The following B4GALT5 variants were observed in gnomAD, a reference collection of about 807,000 sequenced individuals.
The protein encoded by B4GALT5 is UDP-Gal:beta-GlcNAc beta-1,4-galactosyltransferase 5.
Under a neutral mutation model 45.0 loss-of-function variants are expected in B4GALT5, and 11 were observed. That is an observed-to-expected ratio of 0.24 (90% CI 0.15 to 0.40). The LOEUF (loss-of-function observed/expected upper bound fraction) is 0.40. Ranked by LOEUF, B4GALT5 falls within the 10% of genes least tolerant of loss-of-function variation. The pLI, the probability that B4GALT5 is intolerant of heterozygous loss-of-function variation, is 1.00. For synonymous variants in B4GALT5, 185 were observed against 182.9 expected, an observed-to-expected ratio of 1.01 and a Z score of -0.09; for missense variants, 337 against 500.2, an observed-to-expected ratio of 0.67 and a Z score of 3.11.
rs973599354 is a variant in B4GALT5 at position 49,636,061 on chromosome 20, G to A, written c.*251C>T. 5.0e-5 allele frequency: 25 copies of A among 495,182 alleles called. No individual in the cohort carries two copies. Among genetic ancestry groups the A allele is most frequent in the South Asian group, 3.0e-4 (14 of 46,730 alleles). 30.7% of individuals were successfully genotyped at this position (495,182 alleles called of 1,614,324 possible). ...ATGGGGAGAGAGCAGCGGGACAGAC[G>A]TCTGTCTTGTGAAAACAGAAAGCCA... On this transcript the variant is annotated 3_prime_UTR_variant, in exon 9 of 9. Coordinates refer to ENST00000371711, the MANE Select transcript of B4GALT5 (RefSeq NM_004776.4).
chr20:49,656,824 A>G, intron 1 of B4GALT5, 122 bp from the exon 2 acceptor site: 1 of 1,263,054 alleles, frequency 7.9e-7, no homozygotes, highest in Non-Finnish European at 1.1e-6. Flanking sequence ...AGTTCTTTTA[A>G]AACCCTACAT....
Position 49,640,534 on chromosome 20 carries a change from A to T in B4GALT5, c.738T>A (p.Tyr246Ter). ...DHIPESDRNYYGCGQMPRHFA... is the reference protein window; with the variant it reads ...DHIPESDRNY ...AATGCCTCGGCATCTGTCCACATCCATAATAGTTGCGATCACTTTCCGGTA... is the reference window on the plus strand; with the variant it reads ...AATGCCTCGGCATCTGTCCACATCCTTAATAGTTGCGATCACTTTCCGGTA... The change falls in exon 6 of 9, where the codon TAT becomes TAA. Residue 246 changes from tyrosine to a stop codon, truncating the protein, a stop_gained. Coordinates refer to ENST00000371711, the MANE Select transcript of B4GALT5 (RefSeq NM_004776.4). LOFTEE classifies it high-confidence loss of function. 1 of 1,613,798 alleles carries T rather than the reference A, an allele frequency of 6.2e-7. No homozygotes were observed. The highest frequency in any genetic ancestry group is 8.5e-7 in the Non-Finnish European group (1 of 1,179,974).
At chr20:49,642,666 A>T (rs953994137) in intron 4 of B4GALT5, 82 bp from the exon 5 acceptor site, 9 of 932,736 alleles carry the variant, frequency 9.6e-6, no homozygotes, top group Non-Finnish European at 1.5e-5. Flanking sequence ...TGAATTGCTG[A>T]CCAACCCATG....
chr20:49,661,449 G>A (rs1392306219), intron 1 of B4GALT5, among the ~76,000 whole-genome samples: 2 of 152,112 alleles, frequency 1.3e-5, no homozygotes, highest in Non-Finnish European at 2.9e-5. Flanking sequence ...TGGCCAGACT[G>A]GTCTTGAACT....
intron 2 of B4GALT5, among the ~76,000 whole-genome samples, chr20:49,655,888 G>A (rs776039156): frequency 1.4e-5 from 2 of 145,786 alleles, no homozygotes; most frequent in African/African-American, 2.6e-5. Context: ...GAAATCACCC[G>A]TTGCATGCCA....
chr20:49,653,087 C>T (rs888548520), intron 2 of B4GALT5, among the ~76,000 whole-genome samples: 13 of 152,208 alleles, frequency 8.5e-5, no homozygotes, highest in African/African-American at 3.1e-4. Context: ...TGAGTATCCC[C>T]TTATCTGAAA....
At chr20:49,696,144 T>C (rs1423447771) in intron 1 of B4GALT5, among the ~76,000 whole-genome samples, 1 of 152,246 alleles carries the variant, frequency 6.6e-6, no homozygotes, top group Non-Finnish European at 1.5e-5. Flanking sequence ...CTCAATTGAT[T>C]TGACCTATGT....
At chr20:49,673,515 A>T (rs1004733204) in intron 1 of B4GALT5, among the ~76,000 whole-genome samples, 6 of 152,180 alleles carry the variant, frequency 3.9e-5, no homozygotes. Context: ...GGGGTGAGAA[A>T]GCTACTAAAG....
intron 3 of B4GALT5, among the ~76,000 whole-genome samples, chr20:49,645,393 T>C (rs924874108): frequency 6.6e-6 from 1 of 152,244 alleles, no homozygotes; most frequent in African/African-American, 2.4e-5. Context: ...CATTGTTGTG[T>C]TACTCAAGTG....
intron 1 of B4GALT5, among the ~76,000 whole-genome samples, 178 bp downstream of exon 1, chr20:49,713,397 TG>T (rs2085928291): frequency 6.7e-6 from 1 of 149,450 alleles, no homozygotes; most frequent in South Asian, 2.1e-4. Flanking sequence ...GGGCGCCTGT[TG>T]GGGTGCGGAG....
chr20:49,636,276 G>T lies in B4GALT5; in HGVS notation c.*36C>A. 6.2e-7 allele frequency: 1 copy of T among 1,610,234 alleles called. No homozygotes were observed. Among genetic ancestry groups the T allele is most frequent in the Admixed American group, 1.7e-5 (1 of 59,430 alleles). On this transcript the variant is annotated 3_prime_UTR_variant, in exon 9 of 9. Coordinates refer to ENST00000371711, the MANE Select transcript of B4GALT5 (RefSeq NM_004776.4). ...AAAATCTCATCGGACTGCTTTCTTG[G>T]TGGCGGTGGGTAAAGCAAACGTACA...
chr20:49,671,776 C>T (rs2085717045), intron 1 of B4GALT5, among the ~76,000 whole-genome samples: 1 of 152,214 alleles, frequency 6.6e-6, no homozygotes, highest in South Asian at 2.1e-4. Context: ...TTACTGAGAA[C>T]CCCTTTTCAC....
At chr20:49,670,657 C>A (rs1378004162) in intron 1 of B4GALT5, among the ~76,000 whole-genome samples, 1 of 152,178 alleles carries the variant, frequency 6.6e-6, no homozygotes, top group Non-Finnish European at 1.5e-5. Context: ...TAACCCTTTG[C>A]AAACATGTAA....
At chr20:49,696,298 GA>G (rs1055471682) in intron 1 of B4GALT5, among the ~76,000 whole-genome samples, 3 of 152,032 alleles carry the variant, frequency 2.0e-5, no homozygotes, top group African/African-American at 7.2e-5. Flanking sequence ...ATCAAAGAAA[GA>G]AAAAAACTAA....
At chr20:49,660,071 T>G (rs1298365640) in intron 1 of B4GALT5, among the ~76,000 whole-genome samples, 4 of 152,168 alleles carry the variant, frequency 2.6e-5, no homozygotes, top group Non-Finnish European at 4.4e-5. Flanking sequence ...CTTCTATGTG[T>G]GCCCCTCCCA....
At chr20:49,690,889 T>A (rs1307690088) in intron 1 of B4GALT5, among the ~76,000 whole-genome samples, 4 of 152,204 alleles carry the variant, frequency 2.6e-5, no homozygotes, top group Non-Finnish European at 1.5e-5. Flanking sequence ...CTTGAATACC[T>A]GGGTTTCCCT....
At chr20:49,672,302 C>T (rs902311487) in intron 1 of B4GALT5, among the ~76,000 whole-genome samples, 1 of 152,220 alleles carries the variant, frequency 6.6e-6, no homozygotes, top group Non-Finnish European at 1.5e-5. Flanking sequence ...AACACCCAAA[C>T]TGTCAAACAT....
At chr20:49,672,770 G>A (rs2085721276) in intron 1 of B4GALT5, among the ~76,000 whole-genome samples, 1 of 151,994 alleles carries the variant, frequency 6.6e-6, no homozygotes, top group Non-Finnish European at 1.5e-5. Flanking sequence ...AGCCAAGGTG[G>A]GTGGCTTGGC....
At chr20:49,675,767 A>T (rs1274565684) in intron 1 of B4GALT5, among the ~76,000 whole-genome samples, 1 of 152,198 alleles carries the variant, frequency 6.6e-6, no homozygotes, top group Non-Finnish European at 1.5e-5. Flanking sequence ...TTATTTTTAA[A>T]ATCAGCAACT....
Sources: gnomAD v4.1 joint callset for allele counts (sites outside exome capture counted in the v4.1 genomes callset) on GRCh38, gnomAD v4.1.1 for gene constraint, MANE v1.5 for transcripts, NCBI Gene and HGNC (gene_info 2026-07-23, HGNC 2026-07-21) for gene names.